Variants in SMAD5 observed in about 807,000 individuals in gnomAD.
SMAD5 encodes the protein MAD, mothers against decapentaplegic homolog 5.
SMAD5 carries 9 observed loss-of-function variants against 43.1 expected under a neutral mutation model. The observed-to-expected ratio is 0.21, with a 90% CI of 0.13 to 0.36. The LOEUF (loss-of-function observed/expected upper bound fraction) is 0.36, where lower values mean the gene tolerates loss of function less well. Ranked by LOEUF, SMAD5 falls within the 10% of genes least tolerant of loss-of-function variation. The pLI is 1.00. For missense variants in SMAD5, 348 were observed against 574.0 expected (o/e 0.61, Z 4.02); for synonymous variants, 190 against 192.4 (o/e 0.99, Z 0.10).
Position 136,153,426 on chromosome 5 carries a change from GA to G in SMAD5, c.-169-164del, listed in dbSNP as rs142128172. Among the ~76,000 whole-genome samples the G allele has an allele frequency of 3.4e-3, 514 of 152,222 alleles. 7 individuals are homozygous for G. Among genetic ancestry groups the G allele is most frequent in the African/African-American group, 0.012 (478 of 41,526 alleles). ...CTTACTTGTTCATATTATGGGGAAG[GA>G]ATCGAGTGGTCACAGAACTTTTGGA... On this transcript the variant is annotated intron_variant, in intron 2 of 7. Transcript: ENST00000545279.
At chr5:136,152,050 T>A (rs1351554904) in intron 2 of SMAD5, among the ~76,000 whole-genome samples, 1 of 152,114 alleles carries the variant, frequency 6.6e-6, no homozygotes, top group Non-Finnish European at 1.5e-5. Context: ...TTTGTTTGCC[T>A]AGGAAAAATC....
intron 3 of SMAD5, among the ~76,000 whole-genome samples, chr5:136,154,989 A>G (rs560155939): frequency 6.6e-6 from 1 of 152,272 alleles, no homozygotes; most frequent in East Asian, 1.9e-4. Context: ...CACAGGAGTC[A>G]GTCCATGGAC....
intron 5 of SMAD5, among the ~76,000 whole-genome samples, chr5:136,166,001 C>T (rs569621870): frequency 6.6e-6 from 1 of 152,056 alleles, no homozygotes; most frequent in South Asian, 2.1e-4. Flanking sequence ...AACAGCCATA[C>T]TGTTTTCCAC....
intron 1 of SMAD5, among the ~76,000 whole-genome samples, chr5:136,140,679 A>G (rs1425474011): frequency 1.3e-5 from 2 of 151,852 alleles, no homozygotes; most frequent in Non-Finnish European, 2.9e-5. Context: ...GTTTAAAATT[A>G]CACCTCTCTT....
intron 1 of SMAD5, chr5:136,135,020 A>C (rs1647515584): frequency 6.6e-6 from 1 of 152,214 alleles, no homozygotes; most frequent in Non-Finnish European, 1.5e-5. Flanking sequence ...AAAAGAATAA[A>C]ATATTTTCGT....
chr5:136,149,482 C>CT (rs371900186), intron 2 of SMAD5, among the ~76,000 whole-genome samples: 1,477 of 140,516 alleles, frequency 0.011, 11 homozygotes, highest in African/African-American at 0.032. Flanking sequence ...AACAGTTAAT[C>CT]TTTTTTTTTT....
chr5:136,161,900 A>G (rs1387780076), intron 4 of SMAD5, among the ~76,000 whole-genome samples: 1 of 152,242 alleles, frequency 6.6e-6, no homozygotes, highest in East Asian at 1.9e-4. Flanking sequence ...TGATATAAAC[A>G]AGAGTTAAGT....
chr5:136,166,130 GA>G (rs1754002468), intron 5 of SMAD5, among the ~76,000 whole-genome samples: 1 of 150,386 alleles, frequency 6.6e-6, no homozygotes, highest in South Asian at 2.1e-4. Flanking sequence ...GGTATGAAGA[GA>G]TATCTCACTG....
At chr5:136,145,669 C>T (rs1481202406) in intron 1 of SMAD5, among the ~76,000 whole-genome samples, 1 of 151,932 alleles carries the variant, frequency 6.6e-6, no homozygotes, top group African/African-American at 2.4e-5. Flanking sequence ...ATTATTACAA[C>T]AATAATAACT....
intron 1 of SMAD5, among the ~76,000 whole-genome samples, chr5:136,142,323 G>A (rs536513426): frequency 1.5e-4 from 23 of 152,284 alleles, no homozygotes; most frequent in African/African-American, 5.5e-4. Flanking sequence ...CTGAAAGAGA[G>A]GTGAGGTGTG....
intron 1 of SMAD5, chr5:136,133,824 G>A (rs974275676): frequency 1.9e-5 from 3 of 154,710 alleles, no homozygotes; most frequent in African/African-American, 4.8e-5. Context: ...AGCATGCTCA[G>A]TAGCCAAAAC....
rs992469633 is a variant in SMAD5 at position 136,177,639 on chromosome 5, A to G, written c.*159A>G. 2 of 591,630 alleles carry G rather than the reference A, an allele frequency of 3.4e-6. No individual in the cohort carries two copies. The highest frequency in any genetic ancestry group is 5.8e-6 in the Non-Finnish European group (2 of 344,928). The allele number at this position is 591,630 out of a possible 1,614,324, so 36.6% of individuals were successfully genotyped here. On this transcript the variant is annotated 3_prime_UTR_variant, in exon 8 of 8. Transcript: ENST00000545279. Reference sequence around the variant, plus strand: ...TACATTTGTATTTTGTGATGAATCTACATTTGTTTGTATTCATGTTCATGT... The same window carrying G: ...TACATTTGTATTTTGTGATGAATCTGCATTTGTTTGTATTCATGTTCATGT...
chr5:136,139,525 A>G (rs1473171265), intron 1 of SMAD5, among the ~76,000 whole-genome samples: 1 of 152,050 alleles, frequency 6.6e-6, no homozygotes, highest in East Asian at 1.9e-4. Context: ...TTCATCAGGA[A>G]GCTTACTGTC....
Position 136,180,254 on chromosome 5 carries a change from C to G in SMAD5, c.*2774C>G, listed in dbSNP as rs1754578940. Reference sequence around the variant, plus strand: ...GAAAGGAAAGTACCTCTGAAAGAAACCATTTTAGCAAATTATGGTTATATG... The same window carrying G: ...GAAAGGAAAGTACCTCTGAAAGAAAGCATTTTAGCAAATTATGGTTATATG... On this transcript the variant is annotated 3_prime_UTR_variant, in exon 8 of 8. Transcript: ENST00000545279. The G allele has an allele frequency of 1.3e-5, 2 of 152,074 alleles. No homozygotes were observed. The highest frequency in any genetic ancestry group is 2.9e-5 in the Non-Finnish European group (2 of 67,982). The allele number at this position is 152,074 out of a possible 1,614,324, so 9.4% of individuals were successfully genotyped here.
At chr5:136,176,146 A>T (rs1420002772) in intron 7 of SMAD5, among the ~76,000 whole-genome samples, 4 of 151,906 alleles carry the variant, frequency 2.6e-5, no homozygotes, top group African/African-American at 7.3e-5. Context: ...GAAAATAAAA[A>T]ATTTTTCGTT....
intron 5 of SMAD5, among the ~76,000 whole-genome samples, chr5:136,166,463 C>A (rs1754016986): frequency 6.6e-6 from 1 of 152,054 alleles, no homozygotes; most frequent in Admixed American, 6.5e-5. Context: ...ATCAAGAAAT[C>A]TCATTATATT....
intron 2 of SMAD5, among the ~76,000 whole-genome samples, chr5:136,150,603 A>G (rs190051609): frequency 6.6e-5 from 10 of 152,086 alleles, no homozygotes; most frequent in African/African-American, 2.2e-4. Flanking sequence ...AAAAGGGGAT[A>G]GATTGGAGCT....
At chr5:136,171,855 C>T (rs1243194888) in intron 5 of SMAD5, among the ~76,000 whole-genome samples, 2 of 152,082 alleles carry the variant, frequency 1.3e-5, no homozygotes, top group Non-Finnish European at 2.9e-5. Context: ...GCTAATGGAC[C>T]ATATTGAATC....
At chr5:136,134,674 AAACTT>A (rs1486643541) in intron 1 of SMAD5, 1 of 152,262 alleles carries the variant, frequency 6.6e-6, no homozygotes, top group African/African-American at 2.4e-5. Context: ...CAATTTAACA[AAACTT>A]AACCTTCATA....
Sources: allele counts gnomAD v4.1 joint callset (sites outside exome capture counted in the v4.1 genomes callset), GRCh38; gene constraint gnomAD v4.1.1; transcripts MANE v1.5; gene names NCBI Gene and HGNC (gene_info 2026-07-23, HGNC 2026-07-21).